Variants in GYPE observed in about 807,000 individuals in gnomAD.
GYPE encodes glycophorin E (MNS blood group), also known as glycophorin-E.
GYPE carries 8 observed loss-of-function variants against 11.6 expected under a neutral mutation model. The ratio of observed to expected loss-of-function variants is 0.69; its 90% confidence interval spans 0.41 to 1.25. GYPE has a LOEUF of 1.25. GYPE is among the 50% of genes most tolerant of loss of function. GYPE has a pLI of 0.01. For missense variants in GYPE, 90 were observed against 92.8 expected (o/e 0.97, Z 0.12); for synonymous variants, 28 against 29.6 (o/e 0.94, Z 0.18).
rs373384071 is a variant in GYPE at position 143,880,494 on chromosome 4, G to A, written c.53C>T (p.Ser18Leu). Reference sequence around the variant, plus strand: ...TGCCACACCAGTGGTACTTGATGCTGATATGCTCACAATTCCTGTATAAAA... The same window carrying A: ...TGCCACACCAGTGGTACTTGATGCTAATATGCTCACAATTCCTGTATAAAA... ...VLLLSGIVSI[S>L]ASSTTGVAMH... Residue 18 changes from serine (S) to leucine (L), a missense_variant, in exon 2 of 4, where the codon TCA becomes TTA. Transcript: ENST00000358615. The A allele has an allele frequency of 6.8e-6, 11 of 1,613,994 alleles. No individual in the cohort carries two copies. Among genetic ancestry groups the A allele is most frequent in the Non-Finnish European group, 9.3e-6 (11 of 1,179,848 alleles).
intron 3 of GYPE, chr4:143,875,532 T>G: frequency 6.4e-7 from 1 of 1,550,906 alleles, no homozygotes; most frequent in South Asian, 1.2e-5. Flanking sequence ...GACAGAAGTT[T>G]CCACTTCAGC....
chr4:143,895,720 CA>C (rs1461477629), intron 1 of GYPE, among the ~76,000 whole-genome samples: 1 of 145,484 alleles, frequency 6.9e-6, no homozygotes, highest in Non-Finnish European at 1.5e-5. Context: ...GCCAAAAGAA[CA>C]AAGCTGGAGG....
rs550521290 is a variant in GYPE at position 143,880,512 on chromosome 4, G to A, written c.38-3C>T. ...TGATGCTGATATGCTCACAATTCCT[G>A]TATAAAATAGAAGTTGAGAAAGGGA... is the stretch of plus-strand genomic sequence containing the variant. On this transcript the variant is annotated splice_polypyrimidine_tract_variant and splice_region_variant and intron_variant, in intron 1 of 3. Coordinates refer to ENST00000358615, the MANE Select transcript of GYPE (RefSeq NM_198682.3). 1.4e-4 allele frequency: 227 copies of A among 1,613,884 alleles called. No individual in the cohort carries two copies. The East Asian group carries it at 5.0e-3, about 36-fold the overall frequency.
chr4:143,896,776 G>C (rs1477408753), intron 1 of GYPE, among the ~76,000 whole-genome samples: 1 of 152,160 alleles, frequency 6.6e-6, no homozygotes, highest in Non-Finnish European at 1.5e-5. Flanking sequence ...AACAATGATA[G>C]ACTGGATTAA....
intron 3 of GYPE, chr4:143,873,569 C>G (rs553360129): frequency 7.2e-6 from 3 of 416,602 alleles, no homozygotes; most frequent in Non-Finnish European, 1.4e-5. Flanking sequence ...ATATGATGCT[C>G]TGATAGCATT....
chr4:143,889,464 G>A lies in GYPE; in HGVS notation c.38-8955C>T, dbSNP rs575344119. Among the ~76,000 whole-genome samples the A allele has an allele frequency of 3.4e-4, 51 of 152,212 alleles. No homozygotes were observed. In the East Asian group the frequency reaches 9.7e-3, roughly 29 times the overall value. On this transcript the variant is annotated intron_variant, in intron 1 of 3. Coordinates refer to ENST00000358615, the MANE Select transcript of GYPE (RefSeq NM_198682.3). ...TCTGTGAAAGTCTCTGAAATTATCT[G>A]AGCCTCAGTTTTCTGGCCTCTAAGA...
chr4:143,880,529 A>G lies in GYPE; in HGVS notation c.38-20T>C. The G allele has an allele frequency of 6.2e-7, 1 of 1,613,778 alleles. No homozygotes were observed. Among genetic ancestry groups the G allele is most frequent in the Non-Finnish European group, 8.5e-7 (1 of 1,179,692 alleles). ...CAATTCCTGTATAAAATAGAAGTTG[A>G]GAAAGGGATTAAGAACGAGGTGACT... is the stretch of plus-strand genomic sequence containing the variant. On this transcript the variant is annotated intron_variant, in intron 1 of 3. Coordinates refer to ENST00000358615, the MANE Select transcript of GYPE (RefSeq NM_198682.3).
intron 1 of GYPE, 42 bp downstream of exon 1, chr4:143,905,429 A>G: frequency 6.2e-7 from 1 of 1,612,334 alleles, no homozygotes; most frequent in East Asian, 2.2e-5. Context: ...CTATGATCTC[A>G]TACCCAATAT....
intron 3 of GYPE, chr4:143,875,619 A>G (rs1387170329): frequency 1.3e-6 from 2 of 1,510,222 alleles, no homozygotes; most frequent in African/African-American, 2.8e-5. Context: ...GGTGTAGCCA[A>G]TTGGAGGCTT....
chr4:143,895,443 T>A (rs1354026649), intron 1 of GYPE, among the ~76,000 whole-genome samples: 1 of 150,870 alleles, frequency 6.6e-6, no homozygotes, highest in Non-Finnish European at 1.5e-5. Flanking sequence ...GGAATCCAAC[T>A]TACAAGGGAT....
intron 1 of GYPE, among the ~76,000 whole-genome samples, chr4:143,892,612 G>A (rs1307434322): frequency 2.6e-5 from 4 of 152,134 alleles, no homozygotes; most frequent in Non-Finnish European, 5.9e-5. Flanking sequence ...CCATGTAGTT[G>A]AGCGGTTTTG....
chr4:143,881,198 A>C (rs1744010227), intron 1 of GYPE, among the ~76,000 whole-genome samples: 1 of 151,966 alleles, frequency 6.6e-6, no homozygotes, highest in Non-Finnish European at 1.5e-5. Context: ...CTCAAAAAAA[A>C]AAAAAACCAC....
At chr4:143,894,896 A>G (rs1388728009) in intron 1 of GYPE, among the ~76,000 whole-genome samples, 1 of 152,114 alleles carries the variant, frequency 6.6e-6, no homozygotes, top group African/African-American at 2.4e-5. Flanking sequence ...AGAACCAAAG[A>G]CAAAAACCAC....
At chr4:143,892,257 C>G (rs1325953753) in intron 1 of GYPE, among the ~76,000 whole-genome samples, 1 of 152,034 alleles carries the variant, frequency 6.6e-6, no homozygotes, top group Non-Finnish European at 1.5e-5. Flanking sequence ...TTTCAAAAAA[C>G]CAGCTCCTGG....
Position 143,903,262 on chromosome 4 carries a change from C to T in GYPE, c.37+2209G>A, listed in dbSNP as rs181060513. ...CATTTATTATCTGCGTTCCCTCCCA[C>T]CATCCACTGTGCCCAACCTCCGTGT... On this transcript the variant is annotated intron_variant, in intron 1 of 3. Transcript: ENST00000358615. Among the ~76,000 whole-genome samples the T allele has an allele frequency of 3.5e-3, 521 of 149,122 alleles. 5 individuals are homozygous for T. Among genetic ancestry groups the T allele is most frequent in the African/African-American group, 4.6e-3 (176 of 38,648 alleles).
chr4:143,898,784 A>G (rs1744757096), intron 1 of GYPE, among the ~76,000 whole-genome samples: 1 of 152,164 alleles, frequency 6.6e-6, no homozygotes, highest in African/African-American at 2.4e-5. Flanking sequence ...CTCATTTTGA[A>G]AGAACATTTC....
At chr4:143,894,241 T>C (rs1744531952) in intron 1 of GYPE, among the ~76,000 whole-genome samples, 1 of 151,894 alleles carries the variant, frequency 6.6e-6, no homozygotes, top group Admixed American at 6.6e-5. Context: ...TCAACTTCTG[T>C]GCCTTTGGTT....
intron 1 of GYPE, among the ~76,000 whole-genome samples, chr4:143,903,524 C>CAAAAA (rs11400558): frequency 1.7e-4 from 17 of 98,764 alleles, no homozygotes; most frequent in African/African-American, 2.8e-4. Context: ...TTTTTCATAG[C>CAAAAA]AAAAAAAAAA....
chr4:143,880,558 C>T lies in GYPE; in HGVS notation c.38-49G>A, dbSNP rs756144664. The T allele has an allele frequency of 5.4e-5, 87 of 1,612,530 alleles. No homozygotes were observed. The Middle Eastern group carries it at 8.2e-4, about 15-fold the overall frequency. ...AGGGATTAAGAACGAGGTGACTGAG[C>T]GGACCATAAAGCATATCACAAAAGA... On this transcript the variant is annotated intron_variant, in intron 1 of 3. Coordinates refer to ENST00000358615, the MANE Select transcript of GYPE (RefSeq NM_198682.3).
Sources: allele counts gnomAD v4.1 joint callset (sites outside exome capture counted in the v4.1 genomes callset), GRCh38; gene constraint gnomAD v4.1.1; transcripts MANE v1.5; gene names NCBI Gene and HGNC (gene_info 2026-07-23, HGNC 2026-07-21).